ADGRB3: variants seen among roughly 807,000 people sequenced by gnomAD.
The protein encoded by ADGRB3 is brain-specific angiogenesis inhibitor 3.
Under a neutral mutation model 193.4 loss-of-function variants are expected in ADGRB3, and 37 were observed. The observed-to-expected ratio is 0.19, with a 90% confidence interval of 0.15 to 0.25. ADGRB3 has a LOEUF of 0.25. Among genes scored for constraint, ADGRB3 ranks in the 10% least tolerant of loss-of-function variants. ADGRB3 has a pLI of 1.00. For missense variants in ADGRB3, 1,637 were observed against 1,852.9 expected, an observed-to-expected ratio of 0.88 and a Z score of 2.14; for synonymous variants, 690 against 644.2, an observed-to-expected ratio of 1.07 and a Z score of -1.08.
chr6:68,960,794 A>C (rs1582350978), intron 8 of ADGRB3, among the ~76,000 whole-genome samples: 1 of 151,764 alleles, frequency 6.6e-6, no homozygotes, highest in African/African-American at 2.4e-5. Context: ...CCTGAGCCAG[A>C]CCCCACCAGC....
Position 69,227,879 on chromosome 6 carries a change from C to T in ADGRB3, c.2481-5411C>T, listed in dbSNP as rs556930862. ...CTTCAGATTACATGTCTGCTATATG[C>T]TAAAGGACTGCAAATGAATTACGAC... On this transcript the variant is annotated intron_variant, in intron 17 of 31. Coordinates refer to ENST00000370598, the MANE Select transcript of ADGRB3 (RefSeq NM_001704.3). 2.0e-5 allele frequency among the ~76,000 whole-genome samples: 3 copies of T among 152,274 alleles called. No individual in the cohort carries two copies. The South Asian group carries it at 6.2e-4, about 32-fold the overall frequency.
intron 17 of ADGRB3, among the ~76,000 whole-genome samples, chr6:69,231,438 G>A (rs753169325): frequency 6.6e-6 from 1 of 152,194 alleles, no homozygotes; most frequent in African/African-American, 2.4e-5. Flanking sequence ...AAGTAAAGCT[G>A]CCATCCAGTA....
chr6:69,027,512 T>A (rs939966172), intron 13 of ADGRB3, among the ~76,000 whole-genome samples: 3 of 152,158 alleles, frequency 2.0e-5, no homozygotes, highest in African/African-American at 7.2e-5. Flanking sequence ...GCAATAGAAA[T>A]TTTTCAGCTG....
At chr6:68,705,951 G>A (rs553367486) in intron 3 of ADGRB3, among the ~76,000 whole-genome samples, 2 of 152,206 alleles carry the variant, frequency 1.3e-5, no homozygotes, top group Admixed American at 6.5e-5. Flanking sequence ...GGCAGGCCAC[G>A]GTGATCAGAT....
intron 17 of ADGRB3, among the ~76,000 whole-genome samples, chr6:69,098,747 G>T (rs1430445450): frequency 6.6e-6 from 1 of 152,050 alleles, no homozygotes; most frequent in Non-Finnish European, 1.5e-5. Flanking sequence ...TTTACTTAAA[G>T]AATCTGAAAT....
intron 17 of ADGRB3, among the ~76,000 whole-genome samples, chr6:69,160,766 T>C (rs1774963389): frequency 6.6e-6 from 1 of 152,128 alleles, no homozygotes; most frequent in South Asian, 2.1e-4. Context: ...TCAATAAATA[T>C]TTGTTGAATG....
At chr6:69,230,964 G>A (rs774450556) in intron 17 of ADGRB3, among the ~76,000 whole-genome samples, 14 of 152,242 alleles carry the variant, frequency 9.2e-5, no homozygotes, top group Non-Finnish European at 1.6e-4. Context: ...GATAAGGACA[G>A]AGGTGATGTA....
At chr6:68,756,309 A>G (rs1215102636) in intron 3 of ADGRB3, among the ~76,000 whole-genome samples, 2 of 152,070 alleles carry the variant, frequency 1.3e-5, no homozygotes, top group Admixed American at 1.3e-4. Context: ...CTTCCTATCA[A>G]CCCCATGGGT....
intron 3 of ADGRB3, among the ~76,000 whole-genome samples, chr6:68,678,058 T>C (rs1182213889): frequency 6.6e-6 from 1 of 152,130 alleles, no homozygotes; most frequent in African/African-American, 2.4e-5. Context: ...TTATGTTAAG[T>C]CAAAAGACAG....
At chr6:69,172,371 C>T (rs371912994) in intron 17 of ADGRB3, among the ~76,000 whole-genome samples, 1 of 152,004 alleles carries the variant, frequency 6.6e-6, no homozygotes. Context: ...AGGCCAGGCG[C>T]AGTGGCTCAC....
At chr6:68,710,858 T>G (rs1482168374) in intron 3 of ADGRB3, among the ~76,000 whole-genome samples, 1 of 152,110 alleles carries the variant, frequency 6.6e-6, no homozygotes, top group African/African-American at 2.4e-5. Context: ...TAGTCCACAG[T>G]TTTAAATCTC....
At chr6:68,924,695 G>A (rs1031257821) in intron 3 of ADGRB3, among the ~76,000 whole-genome samples, 3 of 151,826 alleles carry the variant, frequency 2.0e-5, no homozygotes, top group Admixed American at 1.3e-4. Flanking sequence ...GCTACCCAAC[G>A]AAATCATTTC....
chr6:69,168,179 C>T (rs76058669), intron 17 of ADGRB3, among the ~76,000 whole-genome samples: 282 of 152,122 alleles, frequency 1.9e-3, no homozygotes, highest in African/African-American at 6.3e-3. Flanking sequence ...TTATAAGAGT[C>T]GATGCCTACC....
intron 3 of ADGRB3, among the ~76,000 whole-genome samples, chr6:68,884,248 G>C (rs771320146): frequency 6.6e-6 from 1 of 152,200 alleles, no homozygotes. Context: ...CACAGTGCCA[G>C]GCACGGGGAT....
chr6:69,333,368 T>C (rs1249297019), intron 24 of ADGRB3, among the ~76,000 whole-genome samples: 3 of 152,120 alleles, frequency 2.0e-5, no homozygotes, highest in African/African-American at 7.2e-5. Context: ...GAACACAGTG[T>C]TGGTATGTGA....
intron 26 of ADGRB3, among the ~76,000 whole-genome samples, chr6:69,350,792 G>A (rs760323753): frequency 4.6e-5 from 7 of 150,988 alleles, no homozygotes; most frequent in African/African-American, 9.7e-5. Flanking sequence ...TATTTTTTGC[G>A]TTTTCTGCTT....
At chr6:68,995,142 C>A (rs1041002378) in intron 11 of ADGRB3, among the ~76,000 whole-genome samples, 10 of 152,118 alleles carry the variant, frequency 6.6e-5, no homozygotes, top group African/African-American at 1.4e-4. Flanking sequence ...AGATTATTAT[C>A]TTTTGAACAT....
At chr6:68,980,030 T>C (rs1405062587) in intron 10 of ADGRB3, among the ~76,000 whole-genome samples, 1 of 151,412 alleles carries the variant, frequency 6.6e-6, no homozygotes, top group Non-Finnish European at 1.5e-5. Context: ...GACAGGTATA[T>C]CACTCCTCCT....
At chr6:69,232,513 C>G (rs1433234787) in intron 17 of ADGRB3, 1 of 1,535,404 alleles carries the variant, frequency 6.5e-7, no homozygotes, top group South Asian at 1.2e-5. Flanking sequence ...AATGTTCTAG[C>G]GGACTTGGGG....
Sources: gnomAD v4.1 joint callset for allele counts (sites outside exome capture counted in the v4.1 genomes callset) on GRCh38, gnomAD v4.1.1 for gene constraint, MANE v1.5 for transcripts, NCBI Gene and HGNC (gene_info 2026-07-23, HGNC 2026-07-21) for gene names.